Variants in IGF2BP3 observed in about 807,000 individuals in gnomAD.
IGF2BP3 encodes the protein insulin like growth factor 2 mRNA binding protein 3.
Under a neutral mutation model 73.8 loss-of-function variants are expected in IGF2BP3, and 9 were observed. The observed-to-expected ratio is 0.12, with a 90% confidence interval of 0.07 to 0.21. IGF2BP3 has a LOEUF of 0.21. IGF2BP3 is among the 10% of genes least tolerant of loss of function. The pLI, the probability that IGF2BP3 is intolerant of heterozygous loss-of-function variation, is 1.00. For synonymous variants in IGF2BP3, 258 were observed against 256.7 expected, an observed-to-expected ratio of 1.01 and a Z score of -0.05; for missense variants, 542 against 714.0, an observed-to-expected ratio of 0.76 and a Z score of 2.75.
intron 3 of IGF2BP3, among the ~76,000 whole-genome samples, chr7:23,405,531 A>C (rs1014194422): frequency 3.9e-5 from 6 of 152,234 alleles, no homozygotes; most frequent in Admixed American, 6.5e-5. Flanking sequence ...GAAGCAAGAA[A>C]GGGGAACCGG....
chr7:23,348,832 T>C (rs1784894125), intron 6 of IGF2BP3, among the ~76,000 whole-genome samples: 1 of 152,216 alleles, frequency 6.6e-6, no homozygotes, highest in Non-Finnish European at 1.5e-5. Context: ...GATAGAAAAT[T>C]AGAATTATCT....
At chr7:23,460,627 C>G (rs1225597408) in intron 2 of IGF2BP3, among the ~76,000 whole-genome samples, 1 of 151,956 alleles carries the variant, frequency 6.6e-6, no homozygotes, top group Non-Finnish European at 1.5e-5. Flanking sequence ...CCATCTCTAA[C>G]ATATACATAA....
Position 23,351,484 on chromosome 7 carries a change from G to C in IGF2BP3, c.504C>G (p.Pro168=), listed in dbSNP as rs1407332925. ...MAAQQNPLQQ[P]RGRRGLGQRG... ...TCTGCCCAAGCCCCCGGCGACCTCGGGGCTGCTGCAAGGGGTTTTGCTGGG... is the reference window on the plus strand; with the variant it reads ...TCTGCCCAAGCCCCCGGCGACCTCGCGGCTGCTGCAAGGGGTTTTGCTGGG... The change falls in exon 6 of 15, where the codon CCC becomes CCG. Residue 168 remains proline (P), a synonymous_variant. Coordinates refer to ENST00000258729, the MANE Select transcript of IGF2BP3 (RefSeq NM_006547.3). The C allele has an allele frequency of 6.2e-7, 1 of 1,613,880 alleles. No individual in the cohort carries two copies. Among genetic ancestry groups the C allele is most frequent in the Non-Finnish European group, 8.5e-7 (1 of 1,180,008 alleles).
At chr7:23,336,063 T>A (rs1349561289) in intron 10 of IGF2BP3, among the ~76,000 whole-genome samples, 1 of 151,958 alleles carries the variant, frequency 6.6e-6, no homozygotes, top group African/African-American at 2.4e-5. Context: ...TAGAATGGAA[T>A]AGAGGCAAGG....
chr7:23,468,963 C>T (rs1284628756), intron 1 of IGF2BP3, among the ~76,000 whole-genome samples: 1 of 152,248 alleles, frequency 6.6e-6, no homozygotes, highest in African/African-American at 2.4e-5. Context: ...AGCCCAGACC[C>T]GCCGGGAACA....
At chr7:23,460,408 T>C (rs1788421683) in intron 2 of IGF2BP3, among the ~76,000 whole-genome samples, 1 of 151,434 alleles carries the variant, frequency 6.6e-6, no homozygotes, top group South Asian at 2.1e-4. Flanking sequence ...GGCGGGTGCC[T>C]GTAATCCCAG....
intron 2 of IGF2BP3, among the ~76,000 whole-genome samples, chr7:23,457,322 G>C (rs532246841): frequency 6.6e-6 from 1 of 151,804 alleles, no homozygotes; most frequent in Non-Finnish European, 1.5e-5. Context: ...AAAATTAGCC[G>C]GGTGTGGTGG....
intron 11 of IGF2BP3, among the ~76,000 whole-genome samples, chr7:23,318,283 T>C (rs1784046620): frequency 1.3e-5 from 2 of 152,170 alleles, no homozygotes; most frequent in Non-Finnish European, 2.9e-5. Flanking sequence ...AGTGCAGTGG[T>C]GTGATCATAG....
intron 2 of IGF2BP3, 24 bp downstream of exon 2, chr7:23,468,458 G>C (rs1160974746): frequency 1.9e-6 from 3 of 1,613,426 alleles, no homozygotes; most frequent in African/African-American, 2.7e-5. Flanking sequence ...AACAGAATCG[G>C]GGCAAACAGA....
At chr7:23,361,884 G>T (rs1785239134) in intron 3 of IGF2BP3, 143 bp from the exon 4 acceptor site, 2 of 637,516 alleles carry the variant, frequency 3.1e-6, no homozygotes, top group African/African-American at 3.7e-5. Flanking sequence ...AGAACTAAGG[G>T]ATGGATACCA....
chr7:23,449,861 A>G (rs2128548038), intron 2 of IGF2BP3, among the ~76,000 whole-genome samples: 1 of 152,230 alleles, frequency 6.6e-6, no homozygotes, highest in East Asian at 1.9e-4. Context: ...CATCACACCC[A>G]GCCACCTGAT....
chr7:23,456,774 G>A (rs1490280380), intron 2 of IGF2BP3, among the ~76,000 whole-genome samples: 1 of 152,210 alleles, frequency 6.6e-6, no homozygotes, highest in African/African-American at 2.4e-5. Context: ...TTGAGGCCAG[G>A]CGCAGTGGCT....
intron 3 of IGF2BP3, among the ~76,000 whole-genome samples, chr7:23,388,917 T>C (rs546087385): frequency 5.4e-4 from 82 of 152,070 alleles, no homozygotes; most frequent in African/African-American, 1.9e-3. Flanking sequence ...AACAAGTAAA[T>C]AGTAGTATAT....
intron 2 of IGF2BP3, among the ~76,000 whole-genome samples, chr7:23,428,463 C>T (rs536480688): frequency 1.5e-4 from 23 of 151,390 alleles, no homozygotes; most frequent in Middle Eastern, 3.4e-3. Flanking sequence ...CAGAGAGAGA[C>T]TCCGTCTCAA....
At chr7:23,356,128 G>A (rs926569867) in intron 5 of IGF2BP3, among the ~76,000 whole-genome samples, 1 of 152,096 alleles carries the variant, frequency 6.6e-6, no homozygotes, top group African/African-American at 2.4e-5. Context: ...AAAAGAATAC[G>A]GACTAGAGAC....
chr7:23,368,427 C>T (rs1416701812), intron 3 of IGF2BP3, among the ~76,000 whole-genome samples: 1 of 150,432 alleles, frequency 6.6e-6, no homozygotes, highest in African/African-American at 2.5e-5. Context: ...CAAAAAACTA[C>T]TTATTATATG....
At position 23,310,328 on chromosome 7, in the gene IGF2BP3, G is replaced by T. The variant is rs1164648467; in HGVS notation, c.*2034C>A. The T allele has an allele frequency of 1.3e-5, 2 of 152,174 alleles. No homozygotes were observed. Among genetic ancestry groups the T allele is most frequent in the Admixed American group, 1.3e-4 (2 of 15,264 alleles). The allele number at this position is 152,174 out of a possible 1,614,324, so 9.4% of individuals were successfully genotyped here. A position where few individuals can be genotyped will look rare whatever the true frequency, so the allele number is the denominator to read the frequency against. Reference sequence around the variant, plus strand: ...ATGGTGAGTACAAAACTCAATTATAGAATTATTTCTTAGCTAGTACCAGAT... The same window carrying T: ...ATGGTGAGTACAAAACTCAATTATATAATTATTTCTTAGCTAGTACCAGAT... On this transcript the variant is annotated 3_prime_UTR_variant, in exon 15 of 15. Coordinates refer to ENST00000258729, the MANE Select transcript of IGF2BP3 (RefSeq NM_006547.3).
At chr7:23,354,087 G>A (rs1018609861) in intron 5 of IGF2BP3, among the ~76,000 whole-genome samples, 1 of 152,178 alleles carries the variant, frequency 6.6e-6, no homozygotes, top group African/African-American at 2.4e-5. Flanking sequence ...TCCACCTCCT[G>A]GTTTCAAGCA....
At chr7:23,423,918 G>A (rs1787424177) in intron 2 of IGF2BP3, among the ~76,000 whole-genome samples, 1 of 151,118 alleles carries the variant, frequency 6.6e-6, no homozygotes, top group South Asian at 2.1e-4. Context: ...AGAAGTTCGA[G>A]ACCAGCCTGA....
Sources: allele counts gnomAD v4.1 joint callset (sites outside exome capture counted in the v4.1 genomes callset), GRCh38; gene constraint gnomAD v4.1.1; transcripts MANE v1.5; gene names NCBI Gene and HGNC (gene_info 2026-07-23, HGNC 2026-07-21).